MTOR: variants seen among roughly 807,000 people sequenced by gnomAD.
MTOR encodes serine/threonine-protein kinase mTOR.
MTOR carries 70 observed loss-of-function variants against 319.8 expected under a neutral mutation model. That is an observed-to-expected ratio of 0.22 (90% CI 0.18 to 0.27). The LOEUF (loss-of-function observed/expected upper bound fraction) is 0.27. Ranked by LOEUF, MTOR falls within the 10% of genes least tolerant of loss-of-function variation. The probability of loss-of-function intolerance (pLI) is 1.00; values close to 1 mark genes in which losing one functional copy is unlikely to be tolerated. For synonymous variants in MTOR, 1,183 were observed against 1,211.4 expected, an observed-to-expected ratio of 0.98 and a Z score of 0.49; for missense variants, 1,890 against 3,274.4, an observed-to-expected ratio of 0.58 and a Z score of 10.32.
chr1:11,192,142 G>A, intron 28 of MTOR: 1 of 726,236 alleles, frequency 1.4e-6, no homozygotes, highest in South Asian at 1.7e-5. Context: ...TCTCCCAAAT[G>A]CAGACACTGA....
At position 11,128,097 on chromosome 1, in the gene MTOR, A is replaced by C; in HGVS notation, c.5940T>G (p.Ser1980=). 1 of 1,614,208 alleles carries C rather than the reference A, an allele frequency of 6.2e-7. No individual in the cohort carries two copies. Among genetic ancestry groups the C allele is most frequent in the East Asian group, 2.2e-5 (1 of 44,884 alleles). ...TGTGCCGGGCTGTCGTGGTAGACTT[A>C]GAAGCCACTGTCAGTGGGTAGATGA... ...QALIYPLTVA[S]KSTTTARHNA... The change falls in exon 43 of 58, where the codon TCT becomes TCG. Residue 1980 remains serine, a synonymous_variant. Coordinates refer to ENST00000361445, the MANE Select transcript of MTOR (RefSeq NM_004958.4). This position sits in a 1 kb window ranked among gnomAD's most constrained non-coding sequence, Gnocchi z 5.3.
At chr1:11,226,340 T>G in intron 19 of MTOR, 1 of 152,146 alleles carries the variant, frequency 6.6e-6, no homozygotes, top group South Asian at 2.1e-4. Context: ...CAGGCAAATT[T>G]GTGAAGCATT....
chr1:11,247,981 A>G lies in MTOR; in HGVS notation c.954T>C (p.Ser318=). 1 of 1,614,116 alleles carries G rather than the reference A, an allele frequency of 6.2e-7. No homozygotes were observed. The highest frequency in any genetic ancestry group is 1.1e-5 in the South Asian group (1 of 91,078). Reference sequence around the variant, plus strand: ...ACTGCTGGGGCTGTACAGCCTGGAAACTGGTGAAGGGGGTAATGTGACGAG... The same window carrying G: ...ACTGCTGGGGCTGTACAGCCTGGAAGCTGGTGAAGGGGGTAATGTGACGAG... ...TKPRHITPFT[S]FQAVQPQQSN... Residue 318 remains serine (S), a synonymous_variant, in exon 7 of 58, where the codon AGT becomes AGC. Coordinates refer to ENST00000361445, the MANE Select transcript of MTOR (RefSeq NM_004958.4).
rs1297865104 is a variant in MTOR at position 11,240,387 on chromosome 1, G to C, written c.1702C>G (p.Pro568Ala). Reference sequence around the variant, plus strand: ...GCCTCAGGGAGGGTCGTGAGGCCAGGAGAGGCCAGCTGATGGGCCAGGCCC... The same window carrying C: ...GCCTCAGGGAGGGTCGTGAGGCCAGCAGAGGCCAGCTGATGGGCCAGGCCC... ...PKGLAHQLAS[P>A]GLTTLPEASD... The change falls in exon 11 of 58, where the codon CCT (proline) becomes GCT (alanine). Residue 568 changes from proline (P) to alanine (A), a missense_variant. By Grantham distance (27) the Pro-to-Ala change is conservative (BLOSUM62 -1). This residue lies in a region of MTOR where 418 missense variants were observed against 543.1 expected (regional missense o/e 0.77). Transcript: ENST00000361445. The C allele has an allele frequency of 1.9e-6, 3 of 1,614,130 alleles. No individual in the cohort carries two copies. Among genetic ancestry groups the C allele is most frequent in the African/African-American group, 1.3e-5 (1 of 74,964 alleles).
At chr1:11,197,574 C>T (rs1432816072) in intron 28 of MTOR, among the ~76,000 whole-genome samples, 1 of 152,168 alleles carries the variant, frequency 6.6e-6, no homozygotes, top group Non-Finnish European at 1.5e-5. Context: ...GACAGAATCT[C>T]GCTGTCATCC....
chr1:11,169,824 A>G (rs1644755211), intron 28 of MTOR, among the ~76,000 whole-genome samples: 2 of 152,372 alleles, frequency 1.3e-5, no homozygotes, highest in South Asian at 4.1e-4. Flanking sequence ...GAATTAAACA[A>G]TGAACATGCA....
At position 11,134,212 on chromosome 1, in the gene MTOR, G is replaced by T. The variant is rs56336267; in HGVS notation, c.5246+139C>A. On this transcript the variant is annotated intron_variant, in intron 37 of 57. Coordinates refer to ENST00000361445, the MANE Select transcript of MTOR (RefSeq NM_004958.4). ...TTGAGAGCAGTATGCTTTGGTGGTT[G>T]CCTGGGATCCCTACTGGAAAAGGAA... is the stretch of plus-strand genomic sequence containing the variant. 2,522 of 698,836 alleles carry T rather than the reference G, an allele frequency of 3.6e-3. 7 individuals are homozygous for T. Among genetic ancestry groups the T allele is most frequent in the Non-Finnish European group, 5.0e-3 (2,043 of 409,754 alleles). 43.3% of individuals were successfully genotyped at this position (698,836 alleles called of 1,614,324 possible). A position where few individuals can be genotyped will look rare whatever the true frequency, so the allele number is the denominator to read the frequency against.
chr1:11,127,904 G>C lies in MTOR; in HGVS notation c.6034-98C>G, dbSNP rs2100410905. 6.3e-7 allele frequency: 1 copy of C among 1,581,406 alleles called. No individual in the cohort carries two copies. Among genetic ancestry groups the C allele is most frequent in the Non-Finnish European group, 8.6e-7 (1 of 1,164,558 alleles). ...GGAGGTACTATTTCCAGCAGTCAGAGGAAGTGCACAGCACCAATGCGAGGA... is the reference window on the plus strand; with the variant it reads ...GGAGGTACTATTTCCAGCAGTCAGACGAAGTGCACAGCACCAATGCGAGGA... On this transcript the variant is annotated intron_variant, in intron 43 of 57. Transcript: ENST00000361445. This position sits in a 1 kb window ranked among gnomAD's most constrained non-coding sequence, Gnocchi z 5.5.
At chr1:11,171,698 T>C (rs1284395613) in intron 28 of MTOR, among the ~76,000 whole-genome samples, 1 of 151,978 alleles carries the variant, frequency 6.6e-6, no homozygotes, top group Non-Finnish European at 1.5e-5. Context: ...CAGCATAGCT[T>C]TGCAAATTAA....
chr1:11,213,465 C>T lies in MTOR; in HGVS notation c.3219G>A (p.Gln1073=), dbSNP rs1010622511. The T allele has an allele frequency of 4.3e-6, 7 of 1,613,870 alleles. No individual in the cohort carries two copies. Among genetic ancestry groups the T allele is most frequent in the Non-Finnish European group, 8.5e-7 (1 of 1,180,034 alleles). The change falls in exon 21 of 58, where the codon CAG becomes CAA. Residue 1073 remains glutamine, a synonymous_variant. Coordinates refer to ENST00000361445, the MANE Select transcript of MTOR (RefSeq NM_004958.4). Reference sequence around the variant, plus strand: ...AGACACGCAGCATGTGTGGGATCAGCTGGGGCAGGTAGAGCTTAAATTCAC... The same window carrying T: ...AGACACGCAGCATGTGTGGGATCAGTTGGGGCAGGTAGAGCTTAAATTCAC... ...LGGEFKLYLP[Q]LIPHMLRVFM... is the part of the protein sequence containing the mutation.
At chr1:11,192,350 C>T in intron 28 of MTOR, 1 of 1,613,590 alleles carries the variant, frequency 6.2e-7, no homozygotes, top group Non-Finnish European at 8.5e-7. Flanking sequence ...TGATGACTTC[C>T]TGGGCAGCCC....
rs957691218 is a variant in MTOR at position 11,127,589 on chromosome 1, C to T, written c.6216+35G>A. The T allele has an allele frequency of 1.9e-6, 3 of 1,547,822 alleles. No homozygotes were observed. The highest frequency in any genetic ancestry group is 2.6e-6 in the Non-Finnish European group (3 of 1,148,960). On this transcript the variant is annotated intron_variant, in intron 44 of 57. Coordinates refer to ENST00000361445, the MANE Select transcript of MTOR (RefSeq NM_004958.4). The surrounding 1 kb of genome is among the most constrained non-coding windows in gnomAD (Gnocchi z 5.5). ...TTTTTTTAGTGGCAGAATATTTCTACAGGGTTATGTCCTTTCGTGTTTTTT... is the reference window on the plus strand; with the variant it reads ...TTTTTTTAGTGGCAGAATATTTCTATAGGGTTATGTCCTTTCGTGTTTTTT...
Position 11,129,021 on chromosome 1 carries a change from A to G in MTOR, c.5715-70T>C. On this transcript the variant is annotated intron_variant, in intron 40 of 57. Coordinates refer to ENST00000361445, the MANE Select transcript of MTOR (RefSeq NM_004958.4). This position sits in a 1 kb window ranked among gnomAD's most constrained non-coding sequence, Gnocchi z 4.7. ...TTTTGCCTGCCTGTTTTTCATCTCT[A>G]AGGCTCCTGAGAAGAGAGCTGGCAG... 2.3e-6 allele frequency: 3 copies of G among 1,306,404 alleles called. No individual in the cohort carries two copies. The South Asian group carries it at 3.8e-5, about 17-fold the overall frequency. 80.9% of individuals were successfully genotyped at this position (1,306,404 alleles called of 1,614,324 possible). A position where few individuals can be genotyped will look rare whatever the true frequency, so the allele number is the denominator to read the frequency against.
rs1646998381 is a variant in MTOR, at chr1:11,231,046, A to G, written c.2658T>C (p.Arg886=). 1.9e-6 allele frequency: 3 copies of G among 1,614,006 alleles called. No individual in the cohort carries two copies. The highest frequency in any genetic ancestry group is 1.3e-5 in the African/African-American group (1 of 74,966). The change falls in exon 18 of 58, where the codon CGT becomes CGC. Residue 886 remains arginine, a synonymous_variant. Coordinates refer to ENST00000361445, the MANE Select transcript of MTOR (RefSeq NM_004958.4). ...QNQGTRREAI[R]VLGLLGALDP... is the part of the protein sequence containing the mutation. ...CCAAAGCCCCTAAAAGCCCTAACAC[A>G]CGGATGGCCTGCGTGGGAAAGGGGA... is the stretch of plus-strand genomic sequence containing the variant.
intron 28 of MTOR, among the ~76,000 whole-genome samples, chr1:11,191,262 C>T (rs1047367765): frequency 1.3e-5 from 2 of 152,156 alleles, no homozygotes; most frequent in African/African-American, 4.8e-5. Context: ...TGCTCAGTTA[C>T]CCTTATATTC....
At chr1:11,241,735 C>A in intron 9 of MTOR, 54 bp from the exon 10 acceptor site, 1 of 1,571,866 alleles carries the variant, frequency 6.4e-7, no homozygotes, top group Non-Finnish European at 8.7e-7. Flanking sequence ...CTTTAATGTC[C>A]CACCTCAAAA....
intron 28 of MTOR, among the ~76,000 whole-genome samples, chr1:11,192,593 T>C (rs182064511): frequency 2.0e-3 from 297 of 151,788 alleles, no homozygotes; most frequent in African/African-American, 7.0e-3. Context: ...CTGTCTCTAC[T>C]AAAAATACAA....
chr1:11,157,355 C>G (rs2100569489), intron 29 of MTOR, 64 bp from the exon 30 acceptor site: 1 of 1,551,772 alleles, frequency 6.4e-7, no homozygotes, highest in Non-Finnish European at 8.7e-7. Flanking sequence ...TTGTTTAATC[C>G]ACATACTCTC....
intron 29 of MTOR, among the ~76,000 whole-genome samples, chr1:11,166,420 T>C (rs1270598612): frequency 1.3e-5 from 2 of 151,848 alleles, no homozygotes; most frequent in African/African-American, 2.4e-5. Context: ...AACAACCCCA[T>C]CAAAAAGTGG....
Sources: allele counts gnomAD v4.1 joint callset (sites outside exome capture counted in the v4.1 genomes callset), GRCh38; gene constraint gnomAD v4.1.1; regional missense constraint gnomAD v4.1.1; non-coding constraint Gnocchi (gnomAD v3.1); transcripts MANE v1.5; gene names NCBI Gene and HGNC (gene_info 2026-07-23, HGNC 2026-07-21).